Variants in SLC71A2 observed in about 807,000 individuals in gnomAD.
SLC71A2 encodes the protein hippocampus abundant transcript-like 1.
At chr9:94,403,029 C>T in the SLC71A2 span, among the ~76,000 whole-genome samples, 1 of 152,156 alleles carries the variant, frequency 6.6e-6, no homozygotes, top group Non-Finnish European at 1.5e-5. Context: ...CAATAACTCC[C>T]TAGCTCCTGG....
the SLC71A2 span, chr9:94,374,870 C>G: frequency 5.1e-5 from 57 of 1,119,974 alleles, no homozygotes; most frequent in African/African-American, 7.9e-4. Context: ...CGTCGGAGCC[C>G]GAGGCGGGAG....
chr9:94,429,844 T>C, the SLC71A2 span, among the ~76,000 whole-genome samples: 1 of 152,138 alleles, frequency 6.6e-6, no homozygotes, highest in East Asian at 1.9e-4. Flanking sequence ...TGCTTTAGTA[T>C]ATAGACTTTG....
At chr9:94,417,301 C>CA in the SLC71A2 span, among the ~76,000 whole-genome samples, 2 of 152,092 alleles carry the variant, frequency 1.3e-5, no homozygotes, top group African/African-American at 2.4e-5. Context: ...CTGTGACCAC[C>CA]ATCCATCTCT....
chr9:94,396,780 C>CT, the SLC71A2 span, among the ~76,000 whole-genome samples: 1 of 151,618 alleles, frequency 6.6e-6, no homozygotes, highest in South Asian at 2.1e-4. Context: ...TATTTTTTTT[C>CT]TTTTTTTGAG....
chr9:94,401,452 G>A, the SLC71A2 span, among the ~76,000 whole-genome samples: 5 of 152,004 alleles, frequency 3.3e-5, no homozygotes, highest in African/African-American at 7.3e-5. Context: ...GATTACAGGC[G>A]TGAGCCACTG....
At chr9:94,380,891 T>C in the SLC71A2 span, among the ~76,000 whole-genome samples, 1 of 103,360 alleles carries the variant, frequency 9.7e-6, no homozygotes, top group East Asian at 2.5e-4. Flanking sequence ...TTGTGACATA[T>C]CTATACACCT....
At chr9:94,406,447 C>G in the SLC71A2 span, among the ~76,000 whole-genome samples, 4 of 152,094 alleles carry the variant, frequency 2.6e-5, no homozygotes, top group Admixed American at 6.5e-5. Context: ...CCATGTTGGT[C>G]AGGCTGACCT....
the SLC71A2 span, among the ~76,000 whole-genome samples, chr9:94,455,377 G>C: frequency 6.0e-5 from 4 of 66,396 alleles, no homozygotes; most frequent in African/African-American, 2.1e-4. Context: ...CTAATATTCT[G>C]ATTTTTTTTT....
At chr9:94,410,505 T>G in the SLC71A2 span, among the ~76,000 whole-genome samples, 1 of 151,952 alleles carries the variant, frequency 6.6e-6, no homozygotes, top group African/African-American at 2.4e-5. Context: ...GGACTACAGG[T>G]GCACACCACC....
At chr9:94,424,249 G>T in the SLC71A2 span, among the ~76,000 whole-genome samples, 2 of 151,758 alleles carry the variant, frequency 1.3e-5, no homozygotes, top group African/African-American at 4.8e-5. Context: ...TGGCGGAGGG[G>T]GGAGCAATGG....
chr9:94,399,765 C>A, the SLC71A2 span, among the ~76,000 whole-genome samples: 6 of 151,394 alleles, frequency 4.0e-5, no homozygotes, highest in African/African-American at 1.5e-4. Flanking sequence ...TCTCGCCACA[C>A]AGAAAGCCAA....
At chr9:94,418,215 A>G in the SLC71A2 span, among the ~76,000 whole-genome samples, 40 of 151,808 alleles carry the variant, frequency 2.6e-4, no homozygotes, top group Non-Finnish European at 4.1e-4. Flanking sequence ...GGAGCTGTTT[A>G]TTTATTTTTA....
the SLC71A2 span, chr9:94,456,307 GTC>G: frequency 1.2e-6 from 2 of 1,614,062 alleles, no homozygotes; most frequent in East Asian, 4.5e-5. Flanking sequence ...CAGTGCCCTC[GTC>G]TCTCGGAATG....
At chr9:94,377,566 G>A in the SLC71A2 span, among the ~76,000 whole-genome samples, 1 of 102,326 alleles carries the variant, frequency 9.8e-6, no homozygotes, top group South Asian at 3.2e-4. Flanking sequence ...TTTATTTTTT[G>A]TAGAGATGAA....
chr9:94,406,416 G>A, the SLC71A2 span, among the ~76,000 whole-genome samples: 1 of 152,030 alleles, frequency 6.6e-6, no homozygotes, highest in African/African-American at 2.4e-5. Flanking sequence ...ATTTTGTATT[G>A]TTAGTAGAGA....
the SLC71A2 span, among the ~76,000 whole-genome samples, chr9:94,389,151 C>T: frequency 6.6e-6 from 1 of 151,700 alleles, no homozygotes; most frequent in African/African-American, 2.4e-5. Context: ...GCAGCAGAGC[C>T]AGGAATAGAA....
chr9:94,438,502 A>G, the SLC71A2 span: 2 of 1,613,528 alleles, frequency 1.2e-6, no homozygotes, highest in Non-Finnish European at 1.7e-6. Flanking sequence ...CCTGCTTCCC[A>G]ATCCCACTGA....
chr9:94,446,136 G>C, the SLC71A2 span, among the ~76,000 whole-genome samples: 12 of 152,204 alleles, frequency 7.9e-5, no homozygotes, highest in African/African-American at 2.7e-4. Flanking sequence ...CCTAGTGTCT[G>C]TTGCCCAGCA....
chr9:94,407,926 T>TA, the SLC71A2 span, among the ~76,000 whole-genome samples: 13 of 152,322 alleles, frequency 8.5e-5, no homozygotes, highest in Non-Finnish European at 1.5e-4. Flanking sequence ...GTCCAGCATT[T>TA]ACACTCTATA....
Sources: allele counts gnomAD v4.1 joint callset (sites outside exome capture counted in the v4.1 genomes callset), GRCh38; gene constraint gnomAD v4.1.1; transcripts MANE v1.5; gene names NCBI Gene and HGNC (gene_info 2026-07-23, HGNC 2026-07-21).